BRIP1: variants seen among roughly 807,000 people sequenced by gnomAD.
BRIP1 encodes BRCA1 interacting DNA helicase 1.
Under a neutral mutation model 119.7 loss-of-function variants are expected in BRIP1, and 88 were observed. That is an observed-to-expected ratio of 0.74 (90% CI 0.62 to 0.88). The LOEUF (loss-of-function observed/expected upper bound fraction) is 0.88. BRIP1 is among the 40% of genes least tolerant of loss of function. BRIP1 has a pLI of 0.00. For missense variants in BRIP1, 1,259 were observed against 1,455.4 expected (o/e 0.87, Z 2.20); for synonymous variants, 443 against 496.5 (o/e 0.89, Z 1.43).
In BRIP1 at chr17:61,799,414, C is replaced by T; in HGVS notation, c.1141-115G>A. 2 of 626,938 alleles carry T rather than the reference C, an allele frequency of 3.2e-6. No individual in the cohort carries two copies. The highest frequency in any genetic ancestry group is 3.8e-5 in the Admixed American group (1 of 26,342). 38.8% of individuals were successfully genotyped at this position (626,938 alleles called of 1,614,324 possible). ...TAGGCCAATATTGCAAATGCAATTA[C>T]ATAAGCAACAGAGATTCTAGGTCTT... On this transcript the variant is annotated intron_variant, in intron 8 of 19. Coordinates refer to ENST00000259008, the MANE Select transcript of BRIP1 (RefSeq NM_032043.3). The surrounding 1 kb of genome is among the most constrained non-coding windows in gnomAD (Gnocchi z 5.1).
In BRIP1 at chr17:61,831,486, T is replaced by C. The variant is rs1227685137; in HGVS notation, c.627+15615A>G. Reference sequence around the variant, plus strand: ...GGAAATTATAAGTGGAATCATACAATATCTGTCCTTTTATGACTGGCTTAT... The same window carrying C: ...GGAAATTATAAGTGGAATCATACAACATCTGTCCTTTTATGACTGGCTTAT... On this transcript the variant is annotated intron_variant, in intron 6 of 19. Transcript: ENST00000259008. This position sits in a 1 kb window ranked among gnomAD's most constrained non-coding sequence, Gnocchi z 4.1. 2.0e-5 allele frequency among the ~76,000 whole-genome samples: 3 copies of C among 152,224 alleles called. No individual in the cohort carries two copies. Among genetic ancestry groups the C allele is most frequent in the Non-Finnish European group, 4.4e-5 (3 of 68,038 alleles).
rs1483897174 is a variant in BRIP1 at position 61,729,107 on chromosome 17, C to A, written c.2380-13044G>T. ...ACCAGCCTGACCAACATAGAGACAC[C>A]CCATCTCTACTAAAAATACAAATTA... On this transcript the variant is annotated intron_variant, in intron 16 of 19. Transcript: ENST00000259008. The surrounding 1 kb of genome is among the most constrained non-coding windows in gnomAD (Gnocchi z 5.6). Among the ~76,000 whole-genome samples, 3 of 151,708 alleles carry A rather than the reference C, an allele frequency of 2.0e-5. No individual in the cohort carries two copies. Among genetic ancestry groups the A allele is most frequent in the African/African-American group, 7.3e-5 (3 of 41,298 alleles).
In BRIP1 at chr17:61,742,344, T is replaced by C. The variant is rs190796918; in HGVS notation, c.2379+669A>G. 3.9e-5 allele frequency among the ~76,000 whole-genome samples: 6 copies of C among 152,356 alleles called. 1 individual carries two copies. Among genetic ancestry groups the C allele is most frequent in the African/African-American group, 1.4e-4 (6 of 41,590 alleles). ...AGACTGTTTGCTTATTATTTGTACA[T>C]TCACTGGAGTAACACTTTTAATTCC... On this transcript the variant is annotated intron_variant, in intron 16 of 19. Coordinates refer to ENST00000259008, the MANE Select transcript of BRIP1 (RefSeq NM_032043.3). This position sits in a 1 kb window ranked among gnomAD's most constrained non-coding sequence, Gnocchi z 4.7.
rs1555607637 is a variant in BRIP1, at chr17:61,801,260, C to T, written c.1133G>A (p.Arg378Lys). 6.2e-7 allele frequency: 1 copy of T among 1,611,218 alleles called. No homozygotes were observed. Among genetic ancestry groups the T allele is most frequent in the Non-Finnish European group, 8.5e-7 (1 of 1,177,386 alleles). The change falls in exon 8 of 20, where the codon AGG becomes AAG. Residue 378 changes from arginine to lysine, a missense_variant. Around this residue, in one of 3 missense-constraint regions of BRIP1, gnomAD observed 501 missense variants for 544.0 expected, o/e 0.92. Coordinates refer to ENST00000259008, the MANE Select transcript of BRIP1 (RefSeq NM_032043.3). Reference protein sequence around the residue: ...PYNYLLDAQIRESMDLNLKEQ... With the variant: ...PYNYLLDAQIKESMDLNLKEQ... ...TTTTACACATATACTCACACTTTCC[C>T]TTATTTGTGCATCTAGAAGATAGTT...
chr17:61,862,758 G>A lies in BRIP1; in HGVS notation c.-31+526C>T, dbSNP rs2078988900. Among the ~76,000 whole-genome samples the A allele has an allele frequency of 6.6e-6, 1 of 152,114 alleles. No individual in the cohort carries two copies. Among genetic ancestry groups the A allele is most frequent in the Admixed American group, 6.5e-5 (1 of 15,272 alleles). On this transcript the variant is annotated intron_variant, in intron 1 of 19. Coordinates refer to ENST00000259008, the MANE Select transcript of BRIP1 (RefSeq NM_032043.3). The surrounding 1 kb of genome is among the most constrained non-coding windows in gnomAD (Gnocchi z 5.3). ...AAATTCAACCTGGGGACGAAGAGAT[G>A]GTTAAAATAGCAATTCAATAGATTA...
Position 61,681,023 on chromosome 17 carries a change from A to G in BRIP1, c.*2273T>C, listed in dbSNP as rs1394382644. 6.6e-6 allele frequency among the ~76,000 whole-genome samples: 1 copy of G among 152,192 alleles called. No individual in the cohort carries two copies. The highest frequency in any genetic ancestry group is 1.5e-5 in the Non-Finnish European group (1 of 68,026). On this transcript the variant is annotated 3_prime_UTR_variant, in exon 20 of 20. Transcript: ENST00000259008. This position sits in a 1 kb window ranked among gnomAD's most constrained non-coding sequence, Gnocchi z 5.1. ...GGCGGAAGGCAACTTTTCACAGGGC[A>G]GCAGGAGAGAAGAATGAGAGTGAAG... is the stretch of plus-strand genomic sequence containing the variant.
rs2078815809 is a variant in BRIP1 at position 61,851,142 on chromosome 17, C to A, written c.380-1886G>T. On this transcript the variant is annotated intron_variant, in intron 4 of 19. Coordinates refer to ENST00000259008, the MANE Select transcript of BRIP1 (RefSeq NM_032043.3). This position sits in a 1 kb window ranked among gnomAD's most constrained non-coding sequence, Gnocchi z 4.6. Reference sequence around the variant, plus strand: ...ACTTGGGAGGCTGAGGCAGGAGAATCACTTGAACCCGGGAGGCAGAGGTTG... The same window carrying A: ...ACTTGGGAGGCTGAGGCAGGAGAATAACTTGAACCCGGGAGGCAGAGGTTG... Among the ~76,000 whole-genome samples, 1 of 151,976 alleles carries A rather than the reference C, an allele frequency of 6.6e-6. No homozygotes were observed. The highest frequency in any genetic ancestry group is 2.1e-4 in the South Asian group (1 of 4,824).
chr17:61,808,668 C>T lies in BRIP1; in HGVS notation c.717G>A (p.Gly239=), dbSNP rs2078113961. 1 of 1,613,842 alleles carries T rather than the reference C, an allele frequency of 6.2e-7. No homozygotes were observed. Among genetic ancestry groups the T allele is most frequent in the Non-Finnish European group, 8.5e-7 (1 of 1,179,818 alleles). ...AATATATTTTGGGTATCTTGGATTTCCCTGTATGATCCTTCTTAATGGTAT... is the reference window on the plus strand; with the variant it reads ...AATATATTTTGGGTATCTTGGATTTTCCTGTATGATCCTTCTTAATGGTAT... ...SSNTIKKDHT[G]KSKIPKIYFG... Residue 239 remains glycine, a synonymous_variant, in exon 7 of 20, where the codon GGG becomes GGA. Transcript: ENST00000259008. This position sits in a 1 kb window ranked among gnomAD's most constrained non-coding sequence, Gnocchi z 4.1.
intron 6 of BRIP1, among the ~76,000 whole-genome samples, chr17:61,830,573 G>A (rs924495988): frequency 2.0e-5 from 3 of 152,040 alleles, no homozygotes; most frequent in Non-Finnish European, 4.4e-5. Context: ...TCAAAAACTT[G>A]AATGGACAAA....
At position 61,825,001 on chromosome 17, in the gene BRIP1, C is replaced by T. The variant is rs2078382719; in HGVS notation, c.628-16244G>A. Among the ~76,000 whole-genome samples, 1 of 152,000 alleles carries T rather than the reference C, an allele frequency of 6.6e-6. No homozygotes were observed. The highest frequency in any genetic ancestry group is 6.6e-5 in the Admixed American group (1 of 15,248). ...TGAAAACCAGCACAAGAAAAGGAAGCCCGGCCGGGTGCAGTGGCTCACGCC... is the reference window on the plus strand; with the variant it reads ...TGAAAACCAGCACAAGAAAAGGAAGTCCGGCCGGGTGCAGTGGCTCACGCC... On this transcript the variant is annotated intron_variant, in intron 6 of 19. Coordinates refer to ENST00000259008, the MANE Select transcript of BRIP1 (RefSeq NM_032043.3). The surrounding 1 kb of genome is among the most constrained non-coding windows in gnomAD (Gnocchi z 4.1).
At chr17:61,784,614 T>C (rs575580069) in intron 10 of BRIP1, among the ~76,000 whole-genome samples, 190 bp from the exon 11 acceptor site, 2 of 152,006 alleles carry the variant, frequency 1.3e-5, no homozygotes, top group East Asian at 3.9e-4. Context: ...AAGTGGGGCA[T>C]ATCAGGAGGT....
chr17:61,847,024 T>C, intron 6 of BRIP1, 77 bp downstream of exon 6: 1 of 1,560,524 alleles, frequency 6.4e-7, no homozygotes, highest in Non-Finnish European at 8.8e-7. Flanking sequence ...ATACTATTGT[T>C]CCTCTTTTGT....
intron 10 of BRIP1, among the ~76,000 whole-genome samples, chr17:61,784,741 A>G (rs2077679887): frequency 6.6e-6 from 1 of 151,918 alleles, no homozygotes; most frequent in Admixed American, 6.6e-5. Context: ...AGAGCCTGAC[A>G]CCTCCCTCCC....
rs2077035572 is a variant in BRIP1, at chr17:61,744,614, T to C, written c.2098-23A>G. 6.2e-7 allele frequency: 1 copy of C among 1,603,104 alleles called. No individual in the cohort carries two copies. Among genetic ancestry groups the C allele is most frequent in the African/African-American group, 1.3e-5 (1 of 74,618 alleles). On this transcript the variant is annotated intron_variant, in intron 14 of 19. Transcript: ENST00000259008. The surrounding 1 kb of genome is among the most constrained non-coding windows in gnomAD (Gnocchi z 5.0). ...TAACTAAAGAGGGGAAAGAAAAAAA[T>C]GATTTTTTGTGTGTCTAGCTAAACA...
At chr17:61,712,812 G>A (rs1287164895) in intron 17 of BRIP1, among the ~76,000 whole-genome samples, 2 of 151,862 alleles carry the variant, frequency 1.3e-5, no homozygotes, top group Admixed American at 6.6e-5. Flanking sequence ...GCTGAGGCAG[G>A]AGAATTGCTT....
intron 6 of BRIP1, among the ~76,000 whole-genome samples, chr17:61,813,599 A>G (rs1259652186): frequency 6.6e-6 from 1 of 152,082 alleles, no homozygotes; most frequent in African/African-American, 2.4e-5. Context: ...GACAATTACT[A>G]TTTTTCAAGG....
intron 17 of BRIP1, among the ~76,000 whole-genome samples, chr17:61,707,361 C>T (rs1221370810): frequency 6.6e-6 from 1 of 152,052 alleles, no homozygotes; most frequent in Non-Finnish European, 1.5e-5. Context: ...GGAAAGGGCA[C>T]AGTGAAGTGC....
chr17:61,831,442 T>C lies in BRIP1; in HGVS notation c.627+15659A>G, dbSNP rs1057229986. ...ACAAAAATGAATTCTACTTCTATAA[T>C]AGTAATGAATAACTGGAAGGAAATT... On this transcript the variant is annotated intron_variant, in intron 6 of 19. Transcript: ENST00000259008. The surrounding 1 kb of genome is among the most constrained non-coding windows in gnomAD (Gnocchi z 4.1). Among the ~76,000 whole-genome samples, 3 of 152,208 alleles carry C rather than the reference T, an allele frequency of 2.0e-5. No homozygotes were observed. Among genetic ancestry groups the C allele is most frequent in the African/African-American group, 7.2e-5 (3 of 41,460 alleles).
In BRIP1 at chr17:61,791,488, C is replaced by CAAAAAAAAAA. The variant is rs529710126; in HGVS notation, c.1473+2099_1473+2108dup. 1.6e-3 allele frequency among the ~76,000 whole-genome samples: 87 copies of CAAAAAAAAAA among 52,896 alleles called. 6 individuals are homozygous for CAAAAAAAAAA. Among genetic ancestry groups the CAAAAAAAAAA allele is most frequent in the Admixed American group, 2.1e-3 (7 of 3,284 alleles). The allele number at this position is 52,896 out of a possible 152,430, so 34.7% of individuals were successfully genotyped here. ...TGGGCAACAGAGTGAGACTTCATCTCAAAAAAAAAAAAAAAAAAAAAAGAA... is the reference window on the plus strand; with the variant it reads ...TGGGCAACAGAGTGAGACTTCATCTCAAAAAAAAAAAAAAAAAAAAAAAAAAAAAAAAGAA... On this transcript the variant is annotated intron_variant, in intron 10 of 19. Transcript: ENST00000259008.
Sources: gnomAD v4.1 joint callset for allele counts (sites outside exome capture counted in the v4.1 genomes callset) on GRCh38, gnomAD v4.1.1 for gene constraint, gnomAD v4.1.1 regional missense constraint, Gnocchi (gnomAD v3.1) non-coding constraint, MANE v1.5 for transcripts, NCBI Gene and HGNC (gene_info 2026-07-23, HGNC 2026-07-21) for gene names.